The following FAM120A variants were observed in gnomAD, a reference collection of about 807,000 sequenced individuals.
FAM120A encodes constitutive coactivator of PPAR-gamma-like protein 1.
A neutral mutation model predicts 109.7 loss-of-function variants in FAM120A; 15 were observed. That is an observed-to-expected ratio of 0.14 (90% confidence interval 0.09 to 0.21). FAM120A has a LOEUF of 0.21. Among genes scored for constraint, FAM120A ranks in the 10% least tolerant of loss-of-function variants. The probability of loss-of-function intolerance (pLI) is 1.00; values close to 1 mark genes in which losing one functional copy is unlikely to be tolerated. For synonymous variants in FAM120A, 493 were observed against 572.8 expected, an observed-to-expected ratio of 0.86 and a Z score of 1.99; for missense variants, 899 against 1,439.3, an observed-to-expected ratio of 0.62 and a Z score of 6.07.
chr9:93,525,344 T>C (rs1473432671), intron 7 of FAM120A, among the ~76,000 whole-genome samples: 2 of 152,090 alleles, frequency 1.3e-5, no homozygotes, highest in African/African-American at 4.8e-5. Flanking sequence ...TCCTAACACT[T>C]GGCCTCCCCT....
Position 93,500,308 on chromosome 9 carries a change from G to T in FAM120A, c.1030+1422G>T, listed in dbSNP as rs940058875. ...GACTGCTGGCTTCTCACTCCTGAGC[G>T]CAGCCTCCTTTCTTGCCTTGCATGA... is the stretch of plus-strand genomic sequence containing the variant. On this transcript the variant is annotated intron_variant, in intron 5 of 17. Transcript: ENST00000277165. This position sits in a 1 kb window ranked among gnomAD's most constrained non-coding sequence, Gnocchi z 4.6. 2.6e-5 allele frequency among the ~76,000 whole-genome samples: 4 copies of T among 152,204 alleles called. No homozygotes were observed. Among genetic ancestry groups the T allele is most frequent in the African/African-American group, 9.6e-5 (4 of 41,458 alleles).
intron 16 of FAM120A, among the ~76,000 whole-genome samples, chr9:93,561,522 G>C (rs1175065408): frequency 6.6e-6 from 1 of 152,236 alleles, no homozygotes; most frequent in South Asian, 2.1e-4. Flanking sequence ...AGCCTCCTGA[G>C]TAGCTGGGAC....
chr9:93,498,192 A>C lies in FAM120A; in HGVS notation c.933+593A>C, dbSNP rs1478932181. On this transcript the variant is annotated intron_variant, in intron 4 of 17. Transcript: ENST00000277165. This position sits in a 1 kb window ranked among gnomAD's most constrained non-coding sequence, Gnocchi z 4.4. ...GGCGGATCACGAGGTCAGGAGTTTG[A>C]GACTAGCCTGGCCAACATGGTGAAA... Among the ~76,000 whole-genome samples, 3 of 152,196 alleles carry C rather than the reference A, an allele frequency of 2.0e-5. No homozygotes were observed. The highest frequency in any genetic ancestry group is 4.4e-5 in the Non-Finnish European group (3 of 68,028).
intron 7 of FAM120A, among the ~76,000 whole-genome samples, chr9:93,517,193 C>T (rs969263081): frequency 6.6e-6 from 1 of 152,168 alleles, no homozygotes; most frequent in African/African-American, 2.4e-5. Context: ...CTCTGCCATC[C>T]AGGGATGCAT....
chr9:93,502,668 G>T (rs1392789933), intron 5 of FAM120A, among the ~76,000 whole-genome samples: 2 of 152,006 alleles, frequency 1.3e-5, no homozygotes, highest in Non-Finnish European at 2.9e-5. Flanking sequence ...GTGGTGGTGA[G>T]ATGCATACTT....
At chr9:93,459,576 G>A (rs942694132) in intron 1 of FAM120A, among the ~76,000 whole-genome samples, 3 of 152,148 alleles carry the variant, frequency 2.0e-5, no homozygotes, top group Non-Finnish European at 4.4e-5. Context: ...ATAGCCTCTG[G>A]GTTGAGGAGG....
Position 93,532,934 on chromosome 9 carries a change from T to G in FAM120A, c.1909+605T>G, listed in dbSNP as rs1446183494. 6.6e-6 allele frequency among the ~76,000 whole-genome samples: 1 copy of G among 152,192 alleles called. No homozygotes were observed. The highest frequency in any genetic ancestry group is 2.4e-5 in the African/African-American group (1 of 41,448). On this transcript the variant is annotated intron_variant, in intron 10 of 17. Coordinates refer to ENST00000277165, the MANE Select transcript of FAM120A (RefSeq NM_014612.5). The surrounding 1 kb of genome is among the most constrained non-coding windows in gnomAD (Gnocchi z 4.3). ...GGTGGAAACACTGAAAAGGATTGTT[T>G]GAAAAGTTGGTCAAAGATGAGGTCA...
intron 3 of FAM120A, among the ~76,000 whole-genome samples, chr9:93,481,842 C>A (rs767897116): frequency 2.6e-5 from 4 of 152,160 alleles, no homozygotes; most frequent in Admixed American, 6.5e-5. Context: ...TGTCCTCCCC[C>A]AGCCCTTTCT....
intron 1 of FAM120A, among the ~76,000 whole-genome samples, chr9:93,464,562 A>G (rs1177831798): frequency 6.6e-6 from 1 of 152,176 alleles, no homozygotes; most frequent in Non-Finnish European, 1.5e-5. Flanking sequence ...TCATCACTTC[A>G]CAAGAGCTGA....
intron 5 of FAM120A, among the ~76,000 whole-genome samples, chr9:93,503,409 A>G (rs1026984518): frequency 6.6e-6 from 1 of 152,214 alleles, no homozygotes; most frequent in African/African-American, 2.4e-5. Context: ...CTAAAAAGCA[A>G]TGCGCTATCA....
intron 1 of FAM120A, among the ~76,000 whole-genome samples, chr9:93,458,430 A>T (rs1564304303): frequency 6.6e-6 from 1 of 152,058 alleles, no homozygotes; most frequent in South Asian, 2.1e-4. Context: ...CCATAGAGTC[A>T]TGCTTGGTAT....
rs989694407 is a variant in FAM120A, at chr9:93,564,803, A to G, written c.*263A>G. ...GACTCCCGCACTTAAAATGAAGTAC[A>G]CATAAAGTTTAAACTGGTTATGACA... On this transcript the variant is annotated 3_prime_UTR_variant, in exon 18 of 18. Transcript: ENST00000277165. 8 of 373,728 alleles carry G rather than the reference A, an allele frequency of 2.1e-5. No homozygotes were observed. Among genetic ancestry groups the G allele is most frequent in the African/African-American group, 1.7e-4 (8 of 48,362 alleles). 23.2% of individuals were successfully genotyped at this position (373,728 alleles called of 1,614,324 possible). A position where few individuals can be genotyped will look rare whatever the true frequency, so the allele number is the denominator to read the frequency against.
At chr9:93,543,127 C>T (rs1861762601) in intron 10 of FAM120A, 95 bp from the exon 11 acceptor site, 1 of 1,482,014 alleles carries the variant, frequency 6.7e-7, no homozygotes, top group African/African-American at 1.4e-5. Context: ...AGAGGCGAAT[C>T]TTTAGACCAG....
chr9:93,521,918 A>G (rs998711034), intron 7 of FAM120A, among the ~76,000 whole-genome samples: 1 of 152,164 alleles, frequency 6.6e-6, no homozygotes, highest in Non-Finnish European at 1.5e-5. Flanking sequence ...TTCTCTACCA[A>G]AAAATACAAA....
chr9:93,523,440 C>G, intron 7 of FAM120A: 1 of 534,600 alleles, frequency 1.9e-6, no homozygotes. Flanking sequence ...GCTCTTGTTC[C>G]AGACAGATAT....
chr9:93,451,725 C>A lies in FAM120A; in HGVS notation c.-191C>A. 1 of 987,446 alleles carries A rather than the reference C, an allele frequency of 1.0e-6. No homozygotes were observed. Among genetic ancestry groups the A allele is most frequent in the Non-Finnish European group, 1.2e-6 (1 of 833,482 alleles). The allele number at this position is 987,446 out of a possible 1,614,324, so 61.2% of individuals were successfully genotyped here. ...GCGGCAGCGGCGGCGGCGGCAGGTCCCTCCCCAGACATGGCCCTGGGAGGC... is the reference window on the plus strand; with the variant it reads ...GCGGCAGCGGCGGCGGCGGCAGGTCACTCCCCAGACATGGCCCTGGGAGGC... On this transcript the variant is annotated 5_prime_UTR_variant, in exon 1 of 18. Transcript: ENST00000277165.
intron 1 of FAM120A, among the ~76,000 whole-genome samples, chr9:93,456,267 G>A (rs1857544650): frequency 1.3e-5 from 2 of 152,160 alleles, no homozygotes; most frequent in Non-Finnish European, 2.9e-5. Context: ...AATCTTAGTG[G>A]CATGAAGTCA....
At chr9:93,560,199 G>A (rs1458680699) in intron 15 of FAM120A, among the ~76,000 whole-genome samples, 4 of 152,106 alleles carry the variant, frequency 2.6e-5, no homozygotes, top group Admixed American at 1.3e-4. Flanking sequence ...GGAGGCTGAG[G>A]CGGGAGGATC....
intron 17 of FAM120A, among the ~76,000 whole-genome samples, chr9:93,563,292 C>G (rs529771386): frequency 2.6e-5 from 4 of 152,350 alleles, no homozygotes; most frequent in South Asian, 2.1e-4. Context: ...GGTTCCTGTT[C>G]TCGTCTGTAA....
Sources: gnomAD v4.1 joint callset for allele counts (sites outside exome capture counted in the v4.1 genomes callset) on GRCh38, gnomAD v4.1.1 for gene constraint, Gnocchi (gnomAD v3.1) non-coding constraint, MANE v1.5 for transcripts, NCBI Gene and HGNC (gene_info 2026-07-23, HGNC 2026-07-21) for gene names.